Variants in PNPLA7 observed in about 807,000 individuals in gnomAD.
PNPLA7 encodes the protein patatin like domain 7, lysophospholipase.
Under a neutral mutation model 161.7 loss-of-function variants are expected in PNPLA7, and 153 were observed. The observed-to-expected ratio is 0.95, with a 90% confidence interval of 0.83 to 1.08. The LOEUF (loss-of-function observed/expected upper bound fraction) is 1.08, where lower values mean the gene tolerates loss of function less well. Ranked by LOEUF, PNPLA7 falls within the 50% of genes least tolerant of loss-of-function variation. The pLI is 0.00. For synonymous variants in PNPLA7, 809 were observed against 782.1 expected (o/e 1.03, Z -0.57); for missense variants, 1,739 against 1,856.6 (o/e 0.94, Z 1.16).
intron 9 of PNPLA7, among the ~76,000 whole-genome samples, chr9:137,522,353 C>T (rs982462573): frequency 1.3e-3 from 188 of 149,850 alleles, no homozygotes; most frequent in African/African-American, 4.4e-3. Context: ...GGGTTACAGG[C>T]GGGAGCCGCC....
At position 137,480,217 on chromosome 9, in the gene PNPLA7, C is replaced by G; in HGVS notation, c.2580+95G>C. 3 of 1,456,582 alleles carry G rather than the reference C, an allele frequency of 2.1e-6. 1 individual carries two copies. The South Asian group carries it at 3.7e-5, about 18-fold the overall frequency. 90.2% of individuals were successfully genotyped at this position (1,456,582 alleles called of 1,614,324 possible). A position where few individuals can be genotyped will look rare whatever the true frequency, so the allele number is the denominator to read the frequency against. On this transcript the variant is annotated intron_variant, in intron 23 of 34. Coordinates refer to ENST00000406427, the MANE Select transcript of PNPLA7 (RefSeq NM_001098537.3). ...GTTGGCTCTTATCATCTGTCTTTTT[C>G]TGAGTTTGTGCAGTATTTTACTCAA...
chr9:137,539,055 A>G (rs1588707158), intron 8 of PNPLA7, among the ~76,000 whole-genome samples: 1 of 152,032 alleles, frequency 6.6e-6, no homozygotes, highest in African/African-American at 2.4e-5. Flanking sequence ...CTGTCTCAAA[A>G]AAAACAACAA....
At position 137,464,166 on chromosome 9, in the gene PNPLA7, G is replaced by C; in HGVS notation, c.3186C>G (p.Thr1062=). The change falls in exon 28 of 35, where the codon ACC becomes ACG. Residue 1062 remains threonine, a synonymous_variant. Coordinates refer to ENST00000406427, the MANE Select transcript of PNPLA7 (RefSeq NM_001098537.3). ...GCATGGCCGAGGCTGTGATGTCGGTGGTGATGGCGAAATAAGGAATCCACA... is the reference window on the plus strand; with the variant it reads ...GCATGGCCGAGGCTGTGATGTCGGTCGTGATGGCGAAATAAGGAATCCACA... ...EDLWIPYFAI[T]TDITASAMRV... 2 of 1,613,840 alleles carry C rather than the reference G, an allele frequency of 1.2e-6. No homozygotes were observed. The highest frequency in any genetic ancestry group is 1.7e-6 in the Non-Finnish European group (2 of 1,179,990).
At chr9:137,548,918 C>T (rs528796749) in intron 1 of PNPLA7, among the ~76,000 whole-genome samples, 26 of 152,318 alleles carry the variant, frequency 1.7e-4, no homozygotes, top group Admixed American at 3.3e-4. Flanking sequence ...GGAACCCCTA[C>T]GCTCACTCTC....
In PNPLA7 at chr9:137,490,231, C is replaced by G. The variant is rs754020296; in HGVS notation, c.2197+2782G>C. 6.6e-6 allele frequency among the ~76,000 whole-genome samples: 1 copy of G among 152,160 alleles called. No individual in the cohort carries two copies. Among genetic ancestry groups the G allele is most frequent in the Non-Finnish European group, 1.5e-5 (1 of 68,034 alleles). On this transcript the variant is annotated intron_variant, in intron 20 of 34. Coordinates refer to ENST00000406427, the MANE Select transcript of PNPLA7 (RefSeq NM_001098537.3). The surrounding 1 kb of genome is among the most constrained non-coding windows in gnomAD (Gnocchi z 4.1). ...ACCTCAACCCTCTGCATAGCTGGGA[C>G]GACAGGTGTGTGCTAACATGCCTGG...
chr9:137,545,699 C>T (rs535562216), intron 4 of PNPLA7, among the ~76,000 whole-genome samples: 7 of 152,294 alleles, frequency 4.6e-5, no homozygotes, highest in Non-Finnish European at 7.3e-5. Context: ...ATAATCATAG[C>T]CTAGGAAAAA....
Position 137,524,484 on chromosome 9 carries a change from T to C in PNPLA7, c.748-1627A>G, listed in dbSNP as rs1454588075. ...CAGCAGTCGAAGGATATTTGTGTTG[T>C]TTCCACTGGGGACAATTCTAAATAA... On this transcript the variant is annotated intron_variant, in intron 8 of 34. Coordinates refer to ENST00000406427, the MANE Select transcript of PNPLA7 (RefSeq NM_001098537.3). The surrounding 1 kb of genome is among the most constrained non-coding windows in gnomAD (Gnocchi z 4.4). Among the ~76,000 whole-genome samples the C allele has an allele frequency of 6.6e-6, 1 of 152,212 alleles. No individual in the cohort carries two copies. Among genetic ancestry groups the C allele is most frequent in the Admixed American group, 6.5e-5 (1 of 15,276 alleles).
chr9:137,499,130 A>G lies in PNPLA7; in HGVS notation c.1758-885T>C, dbSNP rs1833234943. Among the ~76,000 whole-genome samples the G allele has an allele frequency of 6.6e-6, 1 of 151,992 alleles. No homozygotes were observed. Among genetic ancestry groups the G allele is most frequent in the Admixed American group, 6.6e-5 (1 of 15,252 alleles). On this transcript the variant is annotated intron_variant, in intron 16 of 34. Transcript: ENST00000406427. This position sits in a 1 kb window ranked among gnomAD's most constrained non-coding sequence, Gnocchi z 5.5. Reference sequence around the variant, plus strand: ...CGGACACACAGGCAGACACACAGACACACACAGACACACGGAGACAGAGAC... The same window carrying G: ...CGGACACACAGGCAGACACACAGACGCACACAGACACACGGAGACAGAGAC...
At chr9:137,545,858 A>G (rs1032705118) in intron 4 of PNPLA7, among the ~76,000 whole-genome samples, 1 of 152,278 alleles carries the variant, frequency 6.6e-6, no homozygotes, top group Admixed American at 6.5e-5. Context: ...GCCTGTTGCC[A>G]AGCGGACCGT....
chr9:137,537,114 G>A lies in PNPLA7; in HGVS notation c.747+3528C>T, dbSNP rs1456756748. Among the ~76,000 whole-genome samples, 1 of 152,196 alleles carries A rather than the reference G, an allele frequency of 6.6e-6. No individual in the cohort carries two copies. The highest frequency in any genetic ancestry group is 1.9e-4 in the East Asian group (1 of 5,204). ...AAACAGCAAGAAAAGCTGCTCAGAA[G>A]GAACCGAAGCGTTTTCAGTGTGAGG... On this transcript the variant is annotated intron_variant, in intron 8 of 34. Coordinates refer to ENST00000406427, the MANE Select transcript of PNPLA7 (RefSeq NM_001098537.3). The surrounding 1 kb of genome is among the most constrained non-coding windows in gnomAD (Gnocchi z 4.5).
In PNPLA7 at chr9:137,501,726, T is replaced by G. The variant is rs1307276140; in HGVS notation, c.1475A>C (p.Asp492Ala). 4 of 1,611,350 alleles carry G rather than the reference T, an allele frequency of 2.5e-6. No individual in the cohort carries two copies. The highest frequency in any genetic ancestry group is 2.7e-5 in the African/African-American group (2 of 74,526). Reference protein sequence around the residue: ...KDLLTLMKLEDSSLLDGRVAL... With the variant: ...KDLLTLMKLEASSLLDGRVAL... Reference sequence around the variant, plus strand: ...CACCCGGCCATCCAACAGAGATGAGTCCTAAAAACAGAGCAGACTTCAGGG... The same window carrying G: ...CACCCGGCCATCCAACAGAGATGAGGCCTAAAAACAGAGCAGACTTCAGGG... The change falls in exon 15 of 35, where the codon GAC (aspartate) becomes GCC (alanine). Residue 492 changes from aspartate (D) to alanine (A), a missense_variant and splice_region_variant. By Grantham distance (126) the Asp-to-Ala change is moderately radical. This residue lies in a region of PNPLA7 where 481 missense variants were observed against 450.0 expected (regional missense o/e 1.07). Coordinates refer to ENST00000406427, the MANE Select transcript of PNPLA7 (RefSeq NM_001098537.3).
chr9:137,522,988 G>T, intron 8 of PNPLA7, 131 bp from the exon 9 acceptor site: 1 of 1,311,614 alleles, frequency 7.6e-7, no homozygotes, highest in Middle Eastern at 2.8e-4. Context: ...TCCCTCCCAG[G>T]CTGGGCTGTG....
In PNPLA7 at chr9:137,520,055, G is replaced by T; in HGVS notation, c.958-12C>A. 2 of 1,611,764 alleles carry T rather than the reference G, an allele frequency of 1.2e-6. No individual in the cohort carries two copies. The highest frequency in any genetic ancestry group is 1.7e-6 in the Non-Finnish European group (2 of 1,179,740). ...ATGGCCTGGCTCTCCTGGGACACAA[G>T]AAGGAAGTTCAGTGCCACCCCAGGA... On this transcript the variant is annotated splice_polypyrimidine_tract_variant and intron_variant, in intron 10 of 34. Coordinates refer to ENST00000406427, the MANE Select transcript of PNPLA7 (RefSeq NM_001098537.3). The surrounding 1 kb of genome is among the most constrained non-coding windows in gnomAD (Gnocchi z 5.2).
chr9:137,460,694 G>A lies in PNPLA7; in HGVS notation c.3885C>T (p.Asp1295=), dbSNP rs138586605. The A allele has an allele frequency of 1.7e-4, 271 of 1,612,702 alleles. No individual in the cohort carries two copies. The highest frequency in any genetic ancestry group is 2.1e-4 in the Non-Finnish European group (244 of 1,179,928). The part of the protein sequence containing the change: ...YQTEYEEELL[D]VPRDAYADFQ... Reference sequence around the variant, plus strand: ...AGTCTGCGTATGCATCCCTGGGGACGTCCAGCAGCTCCTCCTCGTACTCCG... The same window carrying A: ...AGTCTGCGTATGCATCCCTGGGGACATCCAGCAGCTCCTCCTCGTACTCCG... The change falls in exon 34 of 35, where the codon GAC becomes GAT. Residue 1295 remains aspartate (D), a synonymous_variant. Transcript: ENST00000406427.
rs1382423819 is a variant in PNPLA7, at chr9:137,499,013, T to C, written c.1758-768A>G. On this transcript the variant is annotated intron_variant, in intron 16 of 34. Coordinates refer to ENST00000406427, the MANE Select transcript of PNPLA7 (RefSeq NM_001098537.3). The surrounding 1 kb of genome is among the most constrained non-coding windows in gnomAD (Gnocchi z 5.5). Reference sequence around the variant, plus strand: ...GCAAGACAGTGGCTGGGTGAGGGCGTGAAGGGCGTGAGCGTGGCACTTAGA... The same window carrying C: ...GCAAGACAGTGGCTGGGTGAGGGCGCGAAGGGCGTGAGCGTGGCACTTAGA... Among the ~76,000 whole-genome samples, 2 of 150,984 alleles carry C rather than the reference T, an allele frequency of 1.3e-5. No homozygotes were observed. Among genetic ancestry groups the C allele is most frequent in the Non-Finnish European group, 3.0e-5 (2 of 67,666 alleles).
intron 12 of PNPLA7, among the ~76,000 whole-genome samples, chr9:137,506,614 C>G (rs1029490257): frequency 3.3e-5 from 5 of 152,206 alleles, no homozygotes; most frequent in African/African-American, 1.2e-4. Context: ...CCAGCCCCAT[C>G]TTGGAGGGAG....
At chr9:137,545,645 G>GC (rs1564372816) in intron 4 of PNPLA7, among the ~76,000 whole-genome samples, 2 of 152,228 alleles carry the variant, frequency 1.3e-5, no homozygotes. Context: ...TCATTAGCTT[G>GC]TAGCAATTAC....
intron 25 of PNPLA7, among the ~76,000 whole-genome samples, chr9:137,471,001 C>T (rs1318727832): frequency 2.6e-5 from 4 of 152,246 alleles, no homozygotes; most frequent in Non-Finnish European, 5.9e-5. Context: ...CCTGCTCCCG[C>T]GCCTGGAATG....
chr9:137,460,646 C>G lies in PNPLA7; in HGVS notation c.3933G>C (p.Gln1311His). Reference sequence around the variant, plus strand: ...CCCAGCTCCTCACCAAGTCTGAGCCCTGCTGGGCTGAGGTGCTCTGGAAGT... The same window carrying G: ...CCCAGCTCCTCACCAAGTCTGAGCCGTGCTGGGCTGAGGTGCTCTGGAAGT... The part of the protein sequence containing the change: ...YADFQSTSAQ[Q>H]GSDLEDESSL... Residue 1311 changes from glutamine to histidine, a missense_variant, in exon 34 of 35, where the codon CAG becomes CAC. By Grantham distance (24) the Gln-to-His change is conservative. Transcript: ENST00000406427. 1 of 1,612,580 alleles carries G rather than the reference C, an allele frequency of 6.2e-7. No individual in the cohort carries two copies. Among genetic ancestry groups the G allele is most frequent in the Admixed American group, 1.7e-5 (1 of 59,996 alleles).
Sources: allele counts gnomAD v4.1 joint callset (sites outside exome capture counted in the v4.1 genomes callset), GRCh38; gene constraint gnomAD v4.1.1; regional missense constraint gnomAD v4.1.1; non-coding constraint Gnocchi (gnomAD v3.1); transcripts MANE v1.5; gene names NCBI Gene and HGNC (gene_info 2026-07-23, HGNC 2026-07-21).